FGFR4: variants seen among roughly 807,000 people sequenced by gnomAD.
FGFR4 encodes fibroblast growth factor receptor 4.
FGFR4 carries 63 observed loss-of-function variants against 89.9 expected under a neutral mutation model. That is an observed-to-expected ratio of 0.70 (90% CI 0.57 to 0.86). The LOEUF is 0.86. Ranked by LOEUF, FGFR4 falls within the 40% of genes least tolerant of loss-of-function variation. FGFR4 has a pLI of 0.00. For synonymous variants in FGFR4, 486 were observed against 479.4 expected (o/e 1.01, Z -0.18); for missense variants, 928 against 1,106.7 (o/e 0.84, Z 2.29).
intron 17 of FGFR4, 33 bp downstream of exon 17, chr5:177,097,430 C>T (rs111426707): frequency 6.2e-7 from 1 of 1,605,116 alleles, no homozygotes; most frequent in South Asian, 1.1e-5. Flanking sequence ...CCTCCCTCTG[C>T]CTGCTCCCCT....
chr5:177,094,785 A>G, intron 11 of FGFR4: 1 of 165,164 alleles, frequency 6.1e-6, no homozygotes, highest in Non-Finnish European at 1.3e-5. Context: ...TCATTGGCCC[A>G]GGGCCACAGG....
At position 177,092,451 on chromosome 5, in the gene FGFR4, C is replaced by T; in HGVS notation, c.858C>T (p.His286=). The T allele has an allele frequency of 1.9e-6, 3 of 1,603,258 alleles. No homozygotes were observed. The highest frequency in any genetic ancestry group is 2.6e-6 in the Non-Finnish European group (3 of 1,174,646). ...AGCCCCACATCCAGTGGCTGAAGCACATCGTCATCAACGGCAGCAGCTTCG... is the reference window on the plus strand; with the variant it reads ...AGCCCCACATCCAGTGGCTGAAGCATATCGTCATCAACGGCAGCAGCTTCG... ...DAQPHIQWLK[H]IVINGSSFGA... is the part of the protein sequence containing the mutation. The change falls in exon 7 of 18, where the codon CAC becomes CAT. Residue 286 remains histidine (H), a synonymous_variant. Transcript: ENST00000292408.
At chr5:177,090,700 C>G in intron 3 of FGFR4, 45 bp from the exon 4 acceptor site, 1 of 1,551,168 alleles carries the variant, frequency 6.4e-7, no homozygotes, top group Non-Finnish European at 8.7e-7. Flanking sequence ...GGAGACAGAC[C>G]TGCCCCTCTT....
Position 177,096,735 on chromosome 5 carries a change from C to T in FGFR4, c.2147C>T (p.Pro716Leu), listed in dbSNP as rs146533162. The change falls in exon 16 of 18, where the codon CCA becomes CTA. Residue 716 changes from proline (P) to leucine (L), a missense_variant. Physicochemically the swap from Pro to Leu is moderately conservative, Grantham distance 98. Coordinates refer to ENST00000292408, the MANE Select transcript of FGFR4 (RefSeq NM_213647.3). ...HRMDRPPHCP[P>L]ELYGLMRECW... ...ATGGACCGACCCCCACACTGCCCCC[C>T]AGAGCTGTGAGGCCTCACCCTGCCC... 4.4e-6 allele frequency: 7 copies of T among 1,578,284 alleles called. No individual in the cohort carries two copies. The highest frequency in any genetic ancestry group is 6.0e-6 in the Non-Finnish European group (7 of 1,161,794).
In FGFR4 at chr5:177,098,020, C is replaced by CTTGGGACCAGAAGTGTTTCAGATTTCAGA. The variant is rs1784673883; in HGVS notation, c.*345_*346insTGGGACCAGAAGTGTTTCAGATTTCAGAT. 1 of 285,410 alleles carries CTTGGGACCAGAAGTGTTTCAGATTTCAGA rather than the reference C, an allele frequency of 3.5e-6. No individual in the cohort carries two copies. The highest frequency in any genetic ancestry group is 2.2e-5 in the African/African-American group (1 of 46,190). 17.7% of individuals were successfully genotyped at this position (285,410 alleles called of 1,614,324 possible). A position where few individuals can be genotyped will look rare whatever the true frequency, so the allele number is the denominator to read the frequency against. ...TTCCCCACACCTCCCCCTGCTGCTG[C>CTTGGGACCAGAAGTGTTTCAGATTTCAGA]TGCCCCAGCGTCTTGACGGGAGCAT... On this transcript the variant is annotated 3_prime_UTR_variant, in exon 18 of 18. Coordinates refer to ENST00000292408, the MANE Select transcript of FGFR4 (RefSeq NM_213647.3). This position sits in a 1 kb window ranked among gnomAD's most constrained non-coding sequence, Gnocchi z 4.5.
chr5:177,095,763 A>T lies in FGFR4; in HGVS notation c.1821+40A>T. On this transcript the variant is annotated intron_variant, in intron 13 of 17. Transcript: ENST00000292408. This position sits in a 1 kb window ranked among gnomAD's most constrained non-coding sequence, Gnocchi z 5.7. ...GCTCTGAGCCCCTCTCAGTCTCTCC[A>T]GCTCCACTCTCAGGCCTGTGGCATT... 1 of 1,514,356 alleles carries T rather than the reference A, an allele frequency of 6.6e-7. No homozygotes were observed. The allele number at this position is 1,514,356 out of a possible 1,614,324, so 93.8% of individuals were successfully genotyped here.
At chr5:177,090,237 C>T (rs1054099659) in intron 2 of FGFR4, 153 bp from the exon 3 acceptor site, 7 of 1,091,272 alleles carry the variant, frequency 6.4e-6, no homozygotes, top group Middle Eastern at 1.9e-4. Context: ...GTGGCATCCG[C>T]AGCATGTGGC....
In FGFR4 at chr5:177,096,042, C is replaced by T; in HGVS notation, c.1822-15C>T. 1 of 1,611,042 alleles carries T rather than the reference C, an allele frequency of 6.2e-7. No homozygotes were observed. The highest frequency in any genetic ancestry group is 8.5e-7 in the Non-Finnish European group (1 of 1,178,662). ...GCCAGGTGTCCTGAGGCACCCAAGC[C>T]CCCGCTCCCTGCAGTGTATCCACCG... is the stretch of plus-strand genomic sequence containing the variant. On this transcript the variant is annotated splice_polypyrimidine_tract_variant and intron_variant, in intron 13 of 17. Coordinates refer to ENST00000292408, the MANE Select transcript of FGFR4 (RefSeq NM_213647.3).
chr5:177,097,248 G>A, intron 16 of FGFR4, 44 bp from the exon 17 acceptor site: 1 of 1,501,272 alleles, frequency 6.7e-7, no homozygotes, highest in South Asian at 1.3e-5. Context: ...CCTTCCTCCT[G>A]AAGGCCTGAG....
Position 177,090,562 on chromosome 5 carries a change from T to A in FGFR4, c.264T>A (p.Ile88=), listed in dbSNP as rs761885093. ...RVRGWRGRLE[I]ASFLPEDAGR... is the part of the protein sequence containing the mutation. The stretch of plus-strand genomic sequence containing the variant: ...GGGGCTGGAGGGGCCGCCTAGAGAT[T>A]GCCAGCTTCCTACCTGAGGATGCTG... The change falls in exon 3 of 18, where the codon ATT becomes ATA. Residue 88 remains isoleucine, a synonymous_variant. Coordinates refer to ENST00000292408, the MANE Select transcript of FGFR4 (RefSeq NM_213647.3). 9 of 1,525,930 alleles carry A rather than the reference T, an allele frequency of 5.9e-6. No homozygotes were observed. Among genetic ancestry groups the A allele is most frequent in the Non-Finnish European group, 7.0e-6 (8 of 1,138,648 alleles). 94.5% of individuals were successfully genotyped at this position (1,525,930 alleles called of 1,614,324 possible).
intron 11 of FGFR4, chr5:177,094,970 C>T (rs866682973): frequency 4.6e-5 from 11 of 241,058 alleles, no homozygotes; most frequent in Middle Eastern, 1.7e-3. Context: ...TGACCCCATG[C>T]GGGGACTACC....
In FGFR4 at chr5:177,093,217, C is replaced by T. The variant is rs1433471940; in HGVS notation, c.1137C>T (p.Ala379=). ...TCCTGTACGCGTCGGGCTCCCTGGCCTTGGCTGTGCTCCTGCTGCTGGCCG... is the reference window on the plus strand; with the variant it reads ...TCCTGTACGCGTCGGGCTCCCTGGCTTTGGCTGTGCTCCTGCTGCTGGCCG... ...DIILYASGSL[A]LAVLLLLAGL... Residue 379 remains alanine, a synonymous_variant, in exon 9 of 18, where the codon GCC becomes GCT. Coordinates refer to ENST00000292408, the MANE Select transcript of FGFR4 (RefSeq NM_213647.3). The surrounding 1 kb of genome is among the most constrained non-coding windows in gnomAD (Gnocchi z 5.8). The T allele has an allele frequency of 6.2e-7, 1 of 1,612,686 alleles. No individual in the cohort carries two copies. The highest frequency in any genetic ancestry group is 8.5e-7 in the Non-Finnish European group (1 of 1,178,962).
Position 177,097,747 on chromosome 5 carries a change from C to CA in FGFR4, c.*72dup. 6.4e-7 allele frequency: 1 copy of CA among 1,550,618 alleles called. No individual in the cohort carries two copies. The highest frequency in any genetic ancestry group is 1.2e-5 in the South Asian group (1 of 83,836). ...CTTGGGGCTCAGCCACAGCCTGACA[C>CA]AGTGCTCGACCTTGATAGCATGGGG... On this transcript the variant is annotated 3_prime_UTR_variant, in exon 18 of 18. Coordinates refer to ENST00000292408, the MANE Select transcript of FGFR4 (RefSeq NM_213647.3).
chr5:177,093,540 C>A lies in FGFR4; in HGVS notation c.1386C>A (p.Phe462Leu), dbSNP rs748318813. 1.9e-6 allele frequency: 3 copies of A among 1,613,232 alleles called. No individual in the cohort carries two copies. The highest frequency in any genetic ancestry group is 8.5e-7 in the Non-Finnish European group (1 of 1,179,702). Residue 462 changes from phenylalanine (F) to leucine (L), a missense_variant, in exon 10 of 18, where the codon TTC becomes TTA. Coordinates refer to ENST00000292408, the MANE Select transcript of FGFR4 (RefSeq NM_213647.3). This position sits in a 1 kb window ranked among gnomAD's most constrained non-coding sequence, Gnocchi z 5.8. ...LDLPLDPLWE[F>L]PRDRLVLGKP... ...TACCTCTCGACCCACTATGGGAGTT[C>A]CCCCGGGACAGGTGCGCTGAGCTGT...
In FGFR4 at chr5:177,095,054, C is replaced by A. The variant is rs1224645984; in HGVS notation, c.1520-276C>A. 1.4e-5 allele frequency: 6 copies of A among 443,698 alleles called. No homozygotes were observed. The highest frequency in any genetic ancestry group is 2.5e-5 in the Non-Finnish European group (6 of 237,668). 27.5% of individuals were successfully genotyped at this position (443,698 alleles called of 1,614,324 possible). On this transcript the variant is annotated intron_variant, in intron 11 of 17. Transcript: ENST00000292408. This position sits in a 1 kb window ranked among gnomAD's most constrained non-coding sequence, Gnocchi z 5.7. The stretch of plus-strand genomic sequence containing the variant: ...CTTCCCCTCTCTCCTGTGTCCTGGG[C>A]CTGCCCGCTGGAAGGCCTGCCTCTT...
In FGFR4 at chr5:177,093,013, C is replaced by T; in HGVS notation, c.1058-125C>T. 1.4e-6 allele frequency: 2 copies of T among 1,393,682 alleles called. No homozygotes were observed. The highest frequency in any genetic ancestry group is 2.0e-6 in the Non-Finnish European group (2 of 1,000,232). The allele number at this position is 1,393,682 out of a possible 1,614,324, so 86.3% of individuals were successfully genotyped here. A position where few individuals can be genotyped will look rare whatever the true frequency, so the allele number is the denominator to read the frequency against. On this transcript the variant is annotated intron_variant, in intron 8 of 17. Coordinates refer to ENST00000292408, the MANE Select transcript of FGFR4 (RefSeq NM_213647.3). The surrounding 1 kb of genome is among the most constrained non-coding windows in gnomAD (Gnocchi z 5.8). ...GGGTGCCTGGGACTGGGCATAACTA[C>T]AGCTTCCTCCGTGTGTGTCCCCACA...
In FGFR4 at chr5:177,090,796, C is replaced by T. The variant is rs376618; in HGVS notation, c.407C>T (p.Pro136Leu). ...DDEDPKSHRD[P>L]SNRHSYPQQA... ...GAGGACCCCAAGTCCCATAGGGACC[C>T]CTCGAATAGGCACAGTTACCCCCAG... Residue 136 changes from proline (P) to leucine (L), a missense_variant, in exon 4 of 18, where the codon CCC becomes CTC. By Grantham distance (98) the Pro-to-Leu change is moderately conservative. Around this residue, in one of 5 missense-constraint regions of FGFR4, gnomAD observed 741 missense variants for 836.9 expected, o/e 0.89. Transcript: ENST00000292408. 0.77 allele frequency: 1,242,326 copies of T among 1,613,588 alleles called. 481,410 individuals are homozygous for T. Among genetic ancestry groups the T allele is most frequent in the East Asian group, 1 (44,839 of 44,874 alleles).
At position 177,097,415 on chromosome 5, in the gene FGFR4, C is replaced by G. The variant is rs1784645921; in HGVS notation, c.2259+18C>G. Reference sequence around the variant, plus strand: ...CTGAGGAGGTACAGCCCCTCCCACCCACCACCTCCCTCTGCCTGCTCCCCT... The same window carrying G: ...CTGAGGAGGTACAGCCCCTCCCACCGACCACCTCCCTCTGCCTGCTCCCCT... On this transcript the variant is annotated intron_variant, in intron 17 of 17. Coordinates refer to ENST00000292408, the MANE Select transcript of FGFR4 (RefSeq NM_213647.3). The G allele has an allele frequency of 1.1e-5, 17 of 1,608,216 alleles. No individual in the cohort carries two copies. The highest frequency in any genetic ancestry group is 3.4e-5 in the Admixed American group (2 of 59,516).
intron 7 of FGFR4, 55 bp from the exon 8 acceptor site, chr5:177,092,591 G>A (rs1292421718): frequency 6.4e-7 from 1 of 1,572,202 alleles, no homozygotes; most frequent in Admixed American, 1.7e-5. Context: ...TTCCCTGTTG[G>A]CCACAGTGTG....
Sources: allele counts gnomAD v4.1 joint callset, GRCh38; gene constraint gnomAD v4.1.1; regional missense constraint gnomAD v4.1.1; non-coding constraint Gnocchi (gnomAD v3.1); transcripts MANE v1.5; gene names NCBI Gene and HGNC (gene_info 2026-07-23, HGNC 2026-07-21).